The following CAMKMT variants were observed in gnomAD, a reference collection of about 807,000 sequenced individuals.
CAMKMT encodes CaM KMT.
A neutral mutation model predicts 48.0 loss-of-function variants in CAMKMT; 53 were observed. The observed-to-expected ratio is 1.10, with a 90% confidence interval of 0.89 to 1.39. The LOEUF is 1.39. Among genes scored for constraint, CAMKMT ranks in the 40% most tolerant of loss-of-function variants. CAMKMT has a pLI of 0.00. For missense variants in CAMKMT, 428 were observed against 402.7 expected (o/e 1.06, Z -0.54); for synonymous variants, 165 against 152.3 (o/e 1.08, Z -0.61).
chr2:44,394,889 A>G, intron 3 of CAMKMT: 1 of 454,274 alleles, frequency 2.2e-6, no homozygotes, highest in Non-Finnish European at 4.4e-6. Flanking sequence ...TCAGGTGTGG[A>G]GGTATGTTCC....
chr2:44,616,369 T>C lies in CAMKMT; in HGVS notation c.377-87914T>C, dbSNP rs1210187882. ...AAAATTGCATTTATCTGCCAAGCAA[T>C]TGTTCCCCATGGAAGAAGAGCTCTA... On this transcript the variant is annotated intron_variant, in intron 3 of 10. Coordinates refer to ENST00000378494, the MANE Select transcript of CAMKMT (RefSeq NM_024766.5). 2.6e-5 allele frequency among the ~76,000 whole-genome samples: 4 copies of C among 152,240 alleles called. No homozygotes were observed. The East Asian group carries it at 5.8e-4, about 22-fold the overall frequency.
chr2:44,435,306 A>T (rs1164011272), intron 3 of CAMKMT, among the ~76,000 whole-genome samples: 2 of 152,176 alleles, frequency 1.3e-5, no homozygotes, highest in African/African-American at 2.4e-5. Context: ...TGCTGTCCTC[A>T]GATCATTGTG....
chr2:44,595,544 C>A (rs1670600639), intron 3 of CAMKMT, among the ~76,000 whole-genome samples: 1 of 152,200 alleles, frequency 6.6e-6, no homozygotes, highest in African/African-American at 2.4e-5. Flanking sequence ...TAGGAAGAAT[C>A]AATATTGTGA....
intron 3 of CAMKMT, among the ~76,000 whole-genome samples, chr2:44,503,947 A>T (rs79492255): frequency 6.6e-6 from 1 of 150,680 alleles, no homozygotes; most frequent in Non-Finnish European, 1.5e-5. Flanking sequence ...GGAGAGAGGT[A>T]GAGAAAGAGG....
chr2:44,436,413 G>C (rs1448911538), intron 3 of CAMKMT, among the ~76,000 whole-genome samples: 1 of 152,066 alleles, frequency 6.6e-6, no homozygotes, highest in African/African-American at 2.4e-5. Context: ...TGCCTCCTCA[G>C]ATAGGGCAGA....
At chr2:44,397,037 C>T (rs1477258486) in intron 3 of CAMKMT, among the ~76,000 whole-genome samples, 1 of 138,718 alleles carries the variant, frequency 7.2e-6, no homozygotes, top group Non-Finnish European at 1.5e-5. Flanking sequence ...TCAGCCCAGG[C>T]GACAGAGTGA....
At chr2:44,716,428 G>A (rs1318801669) in intron 7 of CAMKMT, among the ~76,000 whole-genome samples, 1 of 152,154 alleles carries the variant, frequency 6.6e-6, no homozygotes. Context: ...ATATTGGTGT[G>A]AGGCTATGGA....
intron 3 of CAMKMT, among the ~76,000 whole-genome samples, chr2:44,679,910 T>C (rs1675925119): frequency 6.6e-6 from 1 of 152,222 alleles, no homozygotes; most frequent in Non-Finnish European, 1.5e-5. Context: ...AAACATATTT[T>C]TGAAGGAATG....
chr2:44,509,720 T>G (rs528290437), intron 3 of CAMKMT, among the ~76,000 whole-genome samples: 2 of 152,220 alleles, frequency 1.3e-5, no homozygotes, highest in Non-Finnish European at 2.9e-5. Context: ...CTTGCAGGAC[T>G]CGGTAATTCT....
intron 3 of CAMKMT, among the ~76,000 whole-genome samples, chr2:44,405,483 C>T (rs1682718783): frequency 6.6e-6 from 1 of 151,888 alleles, no homozygotes; most frequent in South Asian, 2.1e-4. Flanking sequence ...ATGAATATTG[C>T]AAAAAGCTGT....
intron 2 of CAMKMT, among the ~76,000 whole-genome samples, chr2:44,382,818 G>C (rs755393371): frequency 5.3e-5 from 8 of 152,128 alleles, no homozygotes; most frequent in Non-Finnish European, 1.2e-4. Flanking sequence ...TCAAAGGACT[G>C]GGCCTCTGTG....
intron 3 of CAMKMT, among the ~76,000 whole-genome samples, chr2:44,499,791 A>T (rs1669922390): frequency 6.6e-6 from 1 of 152,188 alleles, no homozygotes; most frequent in Non-Finnish European, 1.5e-5. Flanking sequence ...CTCACATGAA[A>T]GGCTTTTGGC....
chr2:44,746,514 A>T (rs1215666157), intron 8 of CAMKMT, among the ~76,000 whole-genome samples: 1 of 152,266 alleles, frequency 6.6e-6, no homozygotes, highest in Non-Finnish European at 1.5e-5. Flanking sequence ...CAACTAGATT[A>T]TAAAATAAAG....
chr2:44,553,769 C>G (rs1572783930), intron 3 of CAMKMT, among the ~76,000 whole-genome samples: 1 of 152,114 alleles, frequency 6.6e-6, no homozygotes, highest in Non-Finnish European at 1.5e-5. Context: ...TTTTTCTATT[C>G]TAATTATTGT....
chr2:44,578,399 G>A (rs1316454155), intron 3 of CAMKMT, among the ~76,000 whole-genome samples: 1 of 152,146 alleles, frequency 6.6e-6, no homozygotes, highest in African/African-American at 2.4e-5. Flanking sequence ...TAATTATGCT[G>A]CTGCTTTATG....
chr2:44,689,757 A>G (rs1309249302), intron 3 of CAMKMT, among the ~76,000 whole-genome samples: 2 of 152,114 alleles, frequency 1.3e-5, no homozygotes, highest in East Asian at 3.9e-4. Flanking sequence ...GAGATGGAGC[A>G]TTTTCTCACA....
At chr2:44,607,405 T>C (rs1356384556) in intron 3 of CAMKMT, among the ~76,000 whole-genome samples, 10 of 152,238 alleles carry the variant, frequency 6.6e-5, no homozygotes, top group Admixed American at 6.5e-4. Context: ...TTTTAAATTA[T>C]CAGTACCAGT....
At chr2:44,413,509 G>A (rs562301867) in intron 3 of CAMKMT, among the ~76,000 whole-genome samples, 2 of 151,942 alleles carry the variant, frequency 1.3e-5, no homozygotes, top group East Asian at 1.9e-4. Flanking sequence ...AAAATTAGCC[G>A]GGCAGGGTGG....
chr2:44,486,028 G>A (rs1052168280), intron 3 of CAMKMT, among the ~76,000 whole-genome samples: 1 of 151,966 alleles, frequency 6.6e-6, no homozygotes, highest in Non-Finnish European at 1.5e-5. Context: ...GCAGTGGTGC[G>A]GTCTCAGCCC....
Sources: allele counts gnomAD v4.1 joint callset (sites outside exome capture counted in the v4.1 genomes callset), GRCh38; gene constraint gnomAD v4.1.1; transcripts MANE v1.5; gene names NCBI Gene and HGNC (gene_info 2026-07-23, HGNC 2026-07-21).